CSMD1: variants seen among roughly 807,000 people sequenced by gnomAD.
CSMD1 encodes CUB and sushi domain-containing protein 1.
CSMD1 carries 213 observed loss-of-function variants against 417.5 expected under a neutral mutation model. That is an observed-to-expected ratio of 0.51 (90% CI 0.46 to 0.57). The LOEUF (loss-of-function observed/expected upper bound fraction) is 0.57, where lower values mean the gene tolerates loss of function less well. Among genes scored for constraint, CSMD1 ranks in the 20% least tolerant of loss-of-function variants. CSMD1 has a pLI of 0.00. For synonymous variants in CSMD1, 2,862 were observed against 1,736.8 expected (o/e 1.65, Z -16.11); for missense variants, 6,923 against 4,529.7 (o/e 1.53, Z -15.17).
intron 17 of CSMD1, among the ~76,000 whole-genome samples, chr8:3,388,918 C>G (rs74948832): frequency 7.1e-5 from 3 of 42,256 alleles, no homozygotes; most frequent in South Asian, 4.7e-4. Context: ...CACACACACA[C>G]ACACACACAC....
At chr8:4,720,996 G>T (rs139482556) in intron 1 of CSMD1, among the ~76,000 whole-genome samples, 133 of 152,106 alleles carry the variant, frequency 8.7e-4, no homozygotes, top group African/African-American at 3.0e-3. Context: ...TTATTTGAAT[G>T]GAATTTAAAT....
At chr8:3,380,332 G>C (rs1810556545) in intron 18 of CSMD1, among the ~76,000 whole-genome samples, 1 of 152,194 alleles carries the variant, frequency 6.6e-6, no homozygotes, top group South Asian at 2.1e-4. Flanking sequence ...ACAGTGTGGT[G>C]ATTCCTCAAG....
intron 7 of CSMD1, among the ~76,000 whole-genome samples, chr8:3,699,567 T>G (rs1013214711): frequency 6.6e-6 from 1 of 152,208 alleles, no homozygotes; most frequent in Non-Finnish European, 1.5e-5. Context: ...TTTTATGGGT[T>G]GATCTACTAA....
At chr8:3,961,134 C>T (rs1309227659) in intron 5 of CSMD1, among the ~76,000 whole-genome samples, 1 of 152,182 alleles carries the variant, frequency 6.6e-6, no homozygotes, top group Non-Finnish European at 1.5e-5. Context: ...TGCATCTCTT[C>T]TTGCCCATAA....
intron 52 of CSMD1, among the ~76,000 whole-genome samples, chr8:3,001,633 T>A (rs537657341): frequency 1.3e-5 from 2 of 152,310 alleles, no homozygotes; most frequent in East Asian, 3.9e-4. Flanking sequence ...TTAAGAGGAA[T>A]TTTGCAATAA....
chr8:4,180,432 TGGGGGGA>T (rs1337193603), intron 3 of CSMD1, among the ~76,000 whole-genome samples: 2 of 73,988 alleles, frequency 2.7e-5, no homozygotes, highest in African/African-American at 1.1e-4. Context: ...TGCTGTGGGG[TGGGGGGA>T]GGGGGGAGGG....
intron 8 of CSMD1, among the ~76,000 whole-genome samples, chr8:3,608,975 C>T (rs1434746145): frequency 6.6e-6 from 1 of 152,134 alleles, no homozygotes; most frequent in Non-Finnish European, 1.5e-5. Flanking sequence ...CTTGACTCCT[C>T]ATTGGCTACT....
chr8:3,128,984 G>C lies in CSMD1; in HGVS notation c.6242-10397C>G. 11 of 396,754 alleles carry C rather than the reference G, an allele frequency of 2.8e-5. 2 individuals are homozygous for C. Among genetic ancestry groups the C allele is most frequent in the South Asian group, 2.0e-4 (11 of 54,416 alleles). 24.6% of individuals were successfully genotyped at this position (396,754 alleles called of 1,614,324 possible). A position where few individuals can be genotyped will look rare whatever the true frequency, so the allele number is the denominator to read the frequency against. ...CTGCGTGACAAACAATACTAGCATGGAGTTAAGTGTGAAGCAAATAAAACA... is the reference window on the plus strand; with the variant it reads ...CTGCGTGACAAACAATACTAGCATGCAGTTAAGTGTGAAGCAAATAAAACA... On this transcript the variant is annotated intron_variant, in intron 41 of 69. Transcript: ENST00000635120.
At chr8:3,378,657 A>G (rs1336631566) in intron 18 of CSMD1, among the ~76,000 whole-genome samples, 2 of 152,244 alleles carry the variant, frequency 1.3e-5, no homozygotes, top group Admixed American at 1.3e-4. Flanking sequence ...CCACATGATT[A>G]TCTCAAGAGA....
intron 12 of CSMD1, among the ~76,000 whole-genome samples, chr8:3,459,638 G>C (rs1431174252): frequency 6.6e-6 from 1 of 152,146 alleles, no homozygotes; most frequent in African/African-American, 2.4e-5. Context: ...GTAACTCCCG[G>C]ACGGTCCAGG....
At chr8:3,271,247 A>G (rs1353710186) in intron 26 of CSMD1, among the ~76,000 whole-genome samples, 2 of 152,078 alleles carry the variant, frequency 1.3e-5, no homozygotes, top group South Asian at 2.1e-4. Context: ...GTCCCTACAA[A>G]GCACATGAAC....
intron 3 of CSMD1, among the ~76,000 whole-genome samples, chr8:4,086,508 A>C (rs184083203): frequency 3.3e-4 from 50 of 152,332 alleles, no homozygotes; most frequent in South Asian, 4.1e-4. Context: ...AACTCATTAC[A>C]AAAGTGACTG....
intron 3 of CSMD1, among the ~76,000 whole-genome samples, chr8:4,059,418 C>T (rs926512116): frequency 1.3e-5 from 2 of 152,076 alleles, no homozygotes; most frequent in African/African-American, 2.4e-5. Context: ...CAAAAGCTAG[C>T]AGAAGGCAAG....
chr8:3,725,220 G>C (rs894538479), intron 6 of CSMD1, among the ~76,000 whole-genome samples: 1 of 152,114 alleles, frequency 6.6e-6, no homozygotes, highest in Non-Finnish European at 1.5e-5. Flanking sequence ...AAAGAGATTA[G>C]TGTTGCTAGG....
intron 10 of CSMD1, among the ~76,000 whole-genome samples, chr8:3,549,386 C>A (rs561595053): frequency 6.6e-6 from 1 of 152,302 alleles, no homozygotes; most frequent in South Asian, 2.1e-4. Flanking sequence ...AGGCCTTATT[C>A]TACTCTGGCC....
chr8:4,356,687 G>C lies in CSMD1; in HGVS notation c.415+63266C>G, dbSNP rs573026281. Among the ~76,000 whole-genome samples the C allele has an allele frequency of 2.0e-5, 3 of 152,242 alleles. No individual in the cohort carries two copies. In the South Asian group the frequency reaches 6.2e-4, roughly 32 times the overall value. On this transcript the variant is annotated intron_variant, in intron 3 of 69. Transcript: ENST00000635120. ...CCTGTTAGTGAGGGCTTCTTTCCAT[G>C]TGTTTTGTCCTTCTCACCGTGCTCT...
intron 5 of CSMD1, among the ~76,000 whole-genome samples, chr8:3,978,955 G>A (rs558068395): frequency 2.0e-5 from 3 of 152,302 alleles, no homozygotes; most frequent in South Asian, 2.1e-4. Context: ...AGGTTCCACT[G>A]TTTTTACACT....
chr8:3,203,628 G>T (rs1797104130), intron 31 of CSMD1, among the ~76,000 whole-genome samples: 2 of 152,128 alleles, frequency 1.3e-5, no homozygotes, highest in South Asian at 4.1e-4. Flanking sequence ...AAAACAAACA[G>T]GGGGATTGGA....
chr8:4,928,094 G>T (rs527909905), intron 1 of CSMD1, among the ~76,000 whole-genome samples: 1 of 152,036 alleles, frequency 6.6e-6, no homozygotes, highest in Non-Finnish European at 1.5e-5. Context: ...TCCATTCTTA[G>T]CCCTCATCCT....
Sources: allele counts gnomAD v4.1 joint callset (sites outside exome capture counted in the v4.1 genomes callset), GRCh38; gene constraint gnomAD v4.1.1; transcripts MANE v1.5; gene names NCBI Gene and HGNC (gene_info 2026-07-23, HGNC 2026-07-21).